The following IGLL5 variants were observed in gnomAD, a reference collection of about 807,000 sequenced individuals.
The protein encoded by IGLL5 is immunoglobulin lambda-like polypeptide 5.
Under a neutral mutation model 20.9 loss-of-function variants are expected in IGLL5, and 30 were observed. The observed-to-expected ratio is 1.44, with a 90% confidence interval of 1.07 to 1.95. The LOEUF (loss-of-function observed/expected upper bound fraction) is 1.95, where lower values mean the gene tolerates loss of function less well. Ranked by LOEUF, IGLL5 falls within the 30% of genes most tolerant of loss-of-function variation. IGLL5 has a pLI of 0.00. For missense variants in IGLL5, 475 were observed against 270.7 expected (o/e 1.75, Z -5.30); for synonymous variants, 203 against 117.3 (o/e 1.73, Z -4.72).
At chr22:22,889,032 G>A (rs74715008) in intron 1 of IGLL5, among the ~76,000 whole-genome samples, 15 of 151,292 alleles carry the variant, frequency 9.9e-5, no homozygotes, top group Admixed American at 2.6e-4. Context: ...CATAGGGTCC[G>A]TGCACCATTC....
chr22:22,890,351 T>C (rs2067793487), intron 1 of IGLL5, among the ~76,000 whole-genome samples: 1 of 143,030 alleles, frequency 7.0e-6, no homozygotes, highest in African/African-American at 2.6e-5. Flanking sequence ...ACACAGTTGG[T>C]GCTGGGATTT....
intron 1 of IGLL5, among the ~76,000 whole-genome samples, chr22:22,890,973 T>C (rs2067827867): frequency 6.6e-6 from 1 of 151,174 alleles, no homozygotes; most frequent in Non-Finnish European, 1.5e-5. Context: ...ATCAATAACA[T>C]ATTGGGATAT....
At chr22:22,888,398 T>TGGGTTGATATTTTGTCCA in intron 1 of IGLL5, 139 bp downstream of exon 1, 1 of 668,972 alleles carries the variant, frequency 1.5e-6, no homozygotes, top group Non-Finnish European at 2.5e-6. Context: ...GCTTTAGTAA[T>TGGGTTGATATTTTGTCCA]GGGTTGATAT....
intron 1 of IGLL5, among the ~76,000 whole-genome samples, chr22:22,890,139 T>A (rs2067778402): frequency 6.7e-6 from 1 of 150,130 alleles, no homozygotes; most frequent in Admixed American, 6.7e-5. Flanking sequence ...ATGTAATGAC[T>A]TTTGTACATT....
At chr22:22,893,934 T>A (rs1406850062) in intron 2 of IGLL5, 116 bp downstream of exon 2, 22 of 784,070 alleles carry the variant, frequency 2.8e-5, no homozygotes, top group East Asian at 7.5e-5. Context: ...CACTGACCCT[T>A]ACCTTTCTCC....
chr22:22,890,412 A>T (rs1469052552), intron 1 of IGLL5, among the ~76,000 whole-genome samples: 1 of 149,946 alleles, frequency 6.7e-6, no homozygotes, highest in African/African-American at 2.5e-5. Context: ...CTTTTAATCT[A>T]TTATTGACAC....
chr22:22,894,183 T>C (rs748708980), intron 2 of IGLL5, among the ~76,000 whole-genome samples: 2 of 151,428 alleles, frequency 1.3e-5, no homozygotes, highest in South Asian at 2.1e-4. Context: ...CAGAGGCTGC[T>C]GGGGTGGGCC....
chr22:22,894,123 GC>G, intron 2 of IGLL5, among the ~76,000 whole-genome samples: 1 of 151,514 alleles, frequency 6.6e-6, no homozygotes, highest in African/African-American at 2.4e-5. Context: ...CTGATGAGGG[GC>G]CCTGCAGTGT....
At chr22:22,889,263 A>G (rs550416118) in intron 1 of IGLL5, among the ~76,000 whole-genome samples, 1 of 151,182 alleles carries the variant, frequency 6.6e-6, no homozygotes, top group African/African-American at 2.4e-5. Flanking sequence ...CCAGGGGCCC[A>G]GTTTCCTATG....
intron 2 of IGLL5, 115 bp downstream of exon 2, chr22:22,893,933 T>TAA: frequency 1.3e-6 from 1 of 789,940 alleles, no homozygotes; most frequent in East Asian, 2.5e-5. Context: ...GCACTGACCC[T>TAA]TACCTTTCTC....
Position 22,895,405 on chromosome 22 carries a change from T to C in IGLL5, c.356T>C (p.Leu119Pro). ...GQPKANPTVT[L>P]FPPSSEELQA... is the part of the protein sequence containing the mutation. Reference sequence around the variant, plus strand: ...CCCAAGGCCAACCCCACTGTCACTCTGTTCCCGCCCTCCTCTGAGGAGCTC... The same window carrying C: ...CCCAAGGCCAACCCCACTGTCACTCCGTTCCCGCCCTCCTCTGAGGAGCTC... Residue 119 changes from leucine to proline, a missense_variant, in exon 3 of 3, where the codon CTG becomes CCG. Transcript: ENST00000526893. 6.2e-7 allele frequency: 1 copy of C among 1,612,966 alleles called. No individual in the cohort carries two copies. The highest frequency in any genetic ancestry group is 8.5e-7 in the Non-Finnish European group (1 of 1,179,546).
chr22:22,890,651 G>T (rs2067813915), intron 1 of IGLL5, among the ~76,000 whole-genome samples: 1 of 149,244 alleles, frequency 6.7e-6, no homozygotes. Flanking sequence ...GCCTAAAAGT[G>T]GAATTGCTGG....
Position 22,895,568 on chromosome 22 carries a change from G to T in IGLL5, c.519G>T (p.Lys173Asn). Residue 173 changes from lysine (K) to asparagine (N), a missense_variant, in exon 3 of 3, where the codon AAG becomes AAT. Coordinates refer to ENST00000526893, the MANE Select transcript of IGLL5 (RefSeq NM_001178126.2). The part of the protein sequence containing the change: ...TTKPSKQSNN[K>N]YAASSYLSLT... ...AACCCTCCAAACAGAGCAACAACAA[G>T]TACGCGGCCAGCAGCTACCTGAGCC... 6.2e-7 allele frequency: 1 copy of T among 1,613,178 alleles called. No homozygotes were observed.
rs573708269 is a variant in IGLL5 at position 22,894,679 on chromosome 22, C to T, written c.326-696C>T. ...GGTCATCACAGGCTGCTGGGGTGGG[C>T]CTGGGGGCTGCTGAGTCTCATAGTC... On this transcript the variant is annotated intron_variant, in intron 2 of 2. Coordinates refer to ENST00000526893, the MANE Select transcript of IGLL5 (RefSeq NM_001178126.2). Among the ~76,000 whole-genome samples the T allele has an allele frequency of 3.4e-3, 512 of 151,332 alleles. 2 individuals are homozygous for T. The highest frequency in any genetic ancestry group is 5.1e-3 in the Non-Finnish European group (345 of 67,828).
In IGLL5 at chr22:22,895,830, A is replaced by G. The variant is rs1333440255; in HGVS notation, c.*136A>G. 4.1e-5 allele frequency: 35 copies of G among 851,028 alleles called. No homozygotes were observed. In the East Asian group the frequency reaches 8.3e-4, roughly 20 times the overall value. The allele number at this position is 851,028 out of a possible 1,614,324, so 52.7% of individuals were successfully genotyped here. A position where few individuals can be genotyped will look rare whatever the true frequency, so the allele number is the denominator to read the frequency against. Reference sequence around the variant, plus strand: ...CCAATAAATATCCTCATTGACAACCAGAAATCTTGTTTTATCTCATTTTTT... The same window carrying G: ...CCAATAAATATCCTCATTGACAACCGGAAATCTTGTTTTATCTCATTTTTT... On this transcript the variant is annotated 3_prime_UTR_variant, in exon 3 of 3. Coordinates refer to ENST00000526893, the MANE Select transcript of IGLL5 (RefSeq NM_001178126.2).
chr22:22,888,080 T>C lies in IGLL5; in HGVS notation c.27T>C (p.Gly9=), dbSNP rs557067801. ...TGAGACCCAAGACAGGCCAAGTGGGTTGTGAGACCCCTGAGGAGCTGGGCC... is the reference window on the plus strand; with the variant it reads ...TGAGACCCAAGACAGGCCAAGTGGGCTGTGAGACCCCTGAGGAGCTGGGCC... MRPKTGQV[G]CETPEELGPG... is the part of the protein sequence containing the mutation. The change falls in exon 1 of 3, where the codon GGT becomes GGC. Residue 9 remains glycine, a synonymous_variant. Coordinates refer to ENST00000526893, the MANE Select transcript of IGLL5 (RefSeq NM_001178126.2). 5.8e-6 allele frequency: 9 copies of C among 1,548,948 alleles called. No individual in the cohort carries two copies. The Admixed American group carries it at 5.9e-5, about 10-fold the overall frequency.
rs1331093652 is a variant in IGLL5, at chr22:22,895,104, C to G, written c.326-271C>G. 4.6e-5 allele frequency among the ~76,000 whole-genome samples: 7 copies of G among 151,234 alleles called. 1 individual carries two copies. The highest frequency in any genetic ancestry group is 1.7e-4 in the African/African-American group (7 of 41,168). The stretch of plus-strand genomic sequence containing the variant: ...TCAGAGAAGAAGGAACACAGCCTGC[C>G]CTGGGTATATGGAGAAATTGAGGCT... On this transcript the variant is annotated intron_variant, in intron 2 of 2. Transcript: ENST00000526893.
intron 1 of IGLL5, among the ~76,000 whole-genome samples, chr22:22,892,391 G>A (rs927431872): frequency 2.0e-5 from 3 of 151,060 alleles, no homozygotes; most frequent in African/African-American, 7.3e-5. Context: ...AATCAGATTT[G>A]GAAAAACCTG....
intron 2 of IGLL5, among the ~76,000 whole-genome samples, 154 bp downstream of exon 2, chr22:22,893,972 T>C (rs1472200299): frequency 4.0e-5 from 6 of 151,466 alleles, no homozygotes; most frequent in Non-Finnish European, 7.4e-5. Context: ...TGCATTAGTC[T>C]CCGGGTAACC....
Sources: gnomAD v4.1 joint callset for allele counts (sites outside exome capture counted in the v4.1 genomes callset) on GRCh38, gnomAD v4.1.1 for gene constraint, MANE v1.5 for transcripts, NCBI Gene and HGNC (gene_info 2026-07-23, HGNC 2026-07-21) for gene names.